Variants in NCDN observed in about 807,000 individuals in gnomAD.
The protein encoded by NCDN is norbin.
In NCDN, 9 loss-of-function variants were observed where a neutral mutation model predicts 60.7. The observed-to-expected ratio is 0.15, with a 90% CI of 0.09 to 0.26. NCDN has a LOEUF of 0.26. Among genes scored for constraint, NCDN ranks in the 10% least tolerant of loss-of-function variants. The pLI is 1.00. For synonymous variants in NCDN, 409 were observed against 442.5 expected (o/e 0.92, Z 0.95); for missense variants, 578 against 975.2 (o/e 0.59, Z 5.42).
rs745835518 is a variant in NCDN, at chr1:35,560,529, C to T, written c.378C>T (p.Val126=). 11 of 1,613,942 alleles carry T rather than the reference C, an allele frequency of 6.8e-6. No individual in the cohort carries two copies. The highest frequency in any genetic ancestry group is 3.3e-4 in the Middle Eastern group (2 of 6,062). ...SDPELAAHPQ[V]LNKIPILSTF... Reference sequence around the variant, plus strand: ...CTGAACTGGCCGCCCATCCCCAAGTCCTGAACAAGATTCCCATTCTTAGCA... The same window carrying T: ...CTGAACTGGCCGCCCATCCCCAAGTTCTGAACAAGATTCCCATTCTTAGCA... The change falls in exon 3 of 7, where the codon GTC becomes GTT. Residue 126 remains valine, a synonymous_variant. Coordinates refer to ENST00000373243, the MANE Select transcript of NCDN (RefSeq NM_014284.3). The surrounding 1 kb of genome is among the most constrained non-coding windows in gnomAD (Gnocchi z 7.6).
At position 35,558,198 on chromosome 1, in the gene NCDN, G is replaced by C. The variant is rs1648443789; in HGVS notation, c.8G>C (p.Cys3Ser). 1.9e-6 allele frequency: 3 copies of C among 1,614,072 alleles called. No individual in the cohort carries two copies. The highest frequency in any genetic ancestry group is 1.1e-5 in the South Asian group (1 of 91,082). Reference sequence around the variant, plus strand: ...CCTGTCGTGACTTCATCAATGTCGTGTTGTGACCTGGCTGCGGCGGGACAG... The same window carrying C: ...CCTGTCGTGACTTCATCAATGTCGTCTTGTGACCTGGCTGCGGCGGGACAG... Reference protein sequence around the residue: MSCCDLAAAGQLG... With the variant: MSSCDLAAAGQLG... The change falls in exon 1 of 7, where the codon TGT becomes TCT. Residue 3 changes from cysteine (C) to serine (S), a missense_variant. By Grantham distance (112) the Cys-to-Ser change is moderately radical (BLOSUM62 -1). Transcript: ENST00000373243. The surrounding 1 kb of genome is among the most constrained non-coding windows in gnomAD (Gnocchi z 6.3).
In NCDN at chr1:35,562,594, C is replaced by G; in HGVS notation, c.1346C>G (p.Pro449Arg). Reference protein sequence around the residue: ...SQQVANLAISPTTPGPTWPGD... With the variant: ...SQQVANLAISRTTPGPTWPGD... The stretch of plus-strand genomic sequence containing the variant: ...CAGGTGGCCAACCTGGCCATCTCCC[C>G]CACCACCCCAGGGCCCACCTGGCCA... The change falls in exon 4 of 7, where the codon CCC becomes CGC. Residue 449 changes from proline to arginine, a missense_variant. This residue lies in a region of NCDN where 24 missense variants were observed against 19.5 expected (regional missense o/e 1.23). Transcript: ENST00000373243. This position sits in a 1 kb window ranked among gnomAD's most constrained non-coding sequence, Gnocchi z 6.8. 1 of 1,614,024 alleles carries G rather than the reference C, an allele frequency of 6.2e-7. No individual in the cohort carries two copies. Among genetic ancestry groups the G allele is most frequent in the African/African-American group, 1.3e-5 (1 of 75,052 alleles).
rs762010739 is a variant in NCDN, at chr1:35,563,279, C to T, written c.1463C>T (p.Ser488Leu). The change falls in exon 5 of 7, where the codon TCG (serine) becomes TTG (leucine). Residue 488 changes from serine to leucine, a missense_variant. Coordinates refer to ENST00000373243, the MANE Select transcript of NCDN (RefSeq NM_014284.3). The surrounding 1 kb of genome is among the most constrained non-coding windows in gnomAD (Gnocchi z 6.6). ...REILIKEGAP[S>L]LLCKYFLQQW... Reference sequence around the variant, plus strand: ...ATCCTGATCAAGGAAGGGGCCCCCTCGCTTCTGTGCAAGTATTTCCTGCAG... The same window carrying T: ...ATCCTGATCAAGGAAGGGGCCCCCTTGCTTCTGTGCAAGTATTTCCTGCAG... 4.3e-6 allele frequency: 7 copies of T among 1,614,224 alleles called. No individual in the cohort carries two copies. Among genetic ancestry groups the T allele is most frequent in the Non-Finnish European group, 5.9e-6 (7 of 1,180,044 alleles).
chr1:35,558,005 A>G lies in NCDN; in HGVS notation c.-186A>G. The G allele has an allele frequency of 1.2e-6, 1 of 864,190 alleles. No individual in the cohort carries two copies. Among genetic ancestry groups the G allele is most frequent in the South Asian group, 1.7e-5 (1 of 58,678 alleles). The allele number at this position is 864,190 out of a possible 1,614,324, so 53.5% of individuals were successfully genotyped here. Reference sequence around the variant, plus strand: ...CGACTCCATCGCGCCATATCGCGACACCATCGTGCCCTGTCGAGACTCCAT... The same window carrying G: ...CGACTCCATCGCGCCATATCGCGACGCCATCGTGCCCTGTCGAGACTCCAT... On this transcript the variant is annotated 5_prime_UTR_variant, in exon 1 of 7. Transcript: ENST00000373243. The surrounding 1 kb of genome is among the most constrained non-coding windows in gnomAD (Gnocchi z 6.3).
Position 35,562,324 on chromosome 1 carries a change from G to A in NCDN, c.1144-68G>A. 3 of 1,572,200 alleles carry A rather than the reference G, an allele frequency of 1.9e-6. No homozygotes were observed. The highest frequency in any genetic ancestry group is 2.6e-6 in the Non-Finnish European group (3 of 1,157,274). On this transcript the variant is annotated intron_variant, in intron 3 of 6. Coordinates refer to ENST00000373243, the MANE Select transcript of NCDN (RefSeq NM_014284.3). This position sits in a 1 kb window ranked among gnomAD's most constrained non-coding sequence, Gnocchi z 6.8. ...CTTCTAGTTGTATTATTTCTAGCTG[G>A]CTGGCCTCTGGCAAGGCAGGGAGGG...
rs1428105191 is a variant in NCDN, at chr1:35,563,994, TAGA to T, written c.1753+89_1753+91del. 3 of 1,456,846 alleles carry T rather than the reference TAGA, an allele frequency of 2.1e-6. No individual in the cohort carries two copies. Among genetic ancestry groups the T allele is most frequent in the South Asian group, 2.8e-5 (2 of 72,612 alleles). The allele number at this position is 1,456,846 out of a possible 1,614,324, so 90.2% of individuals were successfully genotyped here. On this transcript the variant is annotated intron_variant, in intron 6 of 6. Transcript: ENST00000373243. This position sits in a 1 kb window ranked among gnomAD's most constrained non-coding sequence, Gnocchi z 6.6. ...TGTTTGGGGCAAAAGTCACCATTTT[TAGA>T]AGATGGTTTTGCAGCATTTTCTAAG...
In NCDN at chr1:35,561,146, A is replaced by C. The variant is rs747241342; in HGVS notation, c.995A>C (p.Asp332Ala). 1.2e-6 allele frequency: 2 copies of C among 1,610,672 alleles called. No homozygotes were observed. Among genetic ancestry groups the C allele is most frequent in the African/African-American group, 2.7e-5 (2 of 74,894 alleles). The change falls in exon 3 of 7, where the codon GAT becomes GCT. Residue 332 changes from aspartate (D) to alanine (A), a missense_variant. Asp to Ala is a moderately radical substitution (Grantham distance 126). This residue lies in a region of NCDN where 363 missense variants were observed against 583.6 expected (regional missense o/e 0.62). Coordinates refer to ENST00000373243, the MANE Select transcript of NCDN (RefSeq NM_014284.3). The surrounding 1 kb of genome is among the most constrained non-coding windows in gnomAD (Gnocchi z 4.9). ...LEETGTEVKE[D>A]VVTACYALME... is the part of the protein sequence containing the mutation. The stretch of plus-strand genomic sequence containing the variant: ...GAGACGGGCACGGAGGTGAAAGAGG[A>C]TGTGGTGACCGCCTGCTATGCCCTC...
Position 35,560,622 on chromosome 1 carries a change from G to C in NCDN, c.471G>C (p.Gln157His). ...ARRSMIDDTY[Q>H]CLTAVAGTPR... Reference sequence around the variant, plus strand: ...GCTCCATGATTGATGACACCTACCAGTGCCTGACGGCTGTAGCAGGCACAC... The same window carrying C: ...GCTCCATGATTGATGACACCTACCACTGCCTGACGGCTGTAGCAGGCACAC... Residue 157 changes from glutamine (Q) to histidine (H), a missense_variant, in exon 3 of 7, where the codon CAG becomes CAC. Coordinates refer to ENST00000373243, the MANE Select transcript of NCDN (RefSeq NM_014284.3). The surrounding 1 kb of genome is among the most constrained non-coding windows in gnomAD (Gnocchi z 7.6). The C allele has an allele frequency of 6.2e-7, 1 of 1,613,630 alleles. No individual in the cohort carries two copies. The highest frequency in any genetic ancestry group is 1.3e-5 in the African/African-American group (1 of 75,076).
chr1:35,560,634 T>A lies in NCDN; in HGVS notation c.483T>A (p.Ala161=). The change falls in exon 3 of 7, where the codon GCT becomes GCA. Residue 161 remains alanine, a synonymous_variant. Transcript: ENST00000373243. The surrounding 1 kb of genome is among the most constrained non-coding windows in gnomAD (Gnocchi z 7.6). ...ATGACACCTACCAGTGCCTGACGGC[T>A]GTAGCAGGCACACCCAGAGGGCCTC... ...MIDDTYQCLT[A]VAGTPRGPRH... 1.2e-6 allele frequency: 2 copies of A among 1,613,592 alleles called. No individual in the cohort carries two copies. Among genetic ancestry groups the A allele is most frequent in the Non-Finnish European group, 1.7e-6 (2 of 1,180,042 alleles).
rs1331488256 is a variant in NCDN at position 35,562,370 on chromosome 1, C to G, written c.1144-22C>G. ...GAGGGTCCCTGGTCCTGCTCCATCT[C>G]AAGGGGGTCCTGTGGCAACAGGTGG... is the stretch of plus-strand genomic sequence containing the variant. On this transcript the variant is annotated intron_variant, in intron 3 of 6. Transcript: ENST00000373243. The surrounding 1 kb of genome is among the most constrained non-coding windows in gnomAD (Gnocchi z 6.8). 1 of 1,611,408 alleles carries G rather than the reference C, an allele frequency of 6.2e-7. No homozygotes were observed. Among genetic ancestry groups the G allele is most frequent in the African/African-American group, 1.3e-5 (1 of 74,890 alleles).
Position 35,558,333 on chromosome 1 carries a change from C to G in NCDN, c.33+110C>G. The G allele has an allele frequency of 3.2e-6, 5 of 1,560,140 alleles. No individual in the cohort carries two copies. The highest frequency in any genetic ancestry group is 2.6e-6 in the Non-Finnish European group (3 of 1,150,294). Reference sequence around the variant, plus strand: ...GTTGTCCTGGGAACTATCCGGGACCCCCTCTTGCTTCTCCAGCCCCTGCCG... The same window carrying G: ...GTTGTCCTGGGAACTATCCGGGACCGCCTCTTGCTTCTCCAGCCCCTGCCG... On this transcript the variant is annotated intron_variant, in intron 1 of 6. Transcript: ENST00000373243. The surrounding 1 kb of genome is among the most constrained non-coding windows in gnomAD (Gnocchi z 6.3).
In NCDN at chr1:35,563,589, G is replaced by A. The variant is rs1003399692; in HGVS notation, c.1610+163G>A. On this transcript the variant is annotated intron_variant, in intron 5 of 6. Transcript: ENST00000373243. The surrounding 1 kb of genome is among the most constrained non-coding windows in gnomAD (Gnocchi z 6.6). ...CATAGCCAGCCCCGCACAAGGATTC[G>A]GCATGCTGGAACCCCCAGGTACTGT... 2.0e-5 allele frequency among the ~76,000 whole-genome samples: 3 copies of A among 152,074 alleles called. No individual in the cohort carries two copies. The highest frequency in any genetic ancestry group is 2.9e-5 in the Non-Finnish European group (2 of 68,018).
In NCDN at chr1:35,562,934, A is replaced by C. The variant is rs2074678; in HGVS notation, c.1386-268A>C. ...ATCTCATTTGGTCCACGTGGTAAAT[A>C]TAACAGAAGTCTCATTCACATATGA... On this transcript the variant is annotated intron_variant, in intron 4 of 6. Coordinates refer to ENST00000373243, the MANE Select transcript of NCDN (RefSeq NM_014284.3). This position sits in a 1 kb window ranked among gnomAD's most constrained non-coding sequence, Gnocchi z 6.8. 0.24 allele frequency among the ~76,000 whole-genome samples: 37,089 copies of C among 152,108 alleles called. 9,325 individuals are homozygous for C. The highest frequency in any genetic ancestry group is 0.77 in the East Asian group (3,988 of 5,146).
rs1370254728 is a variant in NCDN at position 35,558,442 on chromosome 1, G to A, written c.33+219G>A. ...TTCTGCTGCTGCCGCCGCCGCTGCT[G>A]CTGCTGCTGCAGCCTCTACCCGAGG... On this transcript the variant is annotated intron_variant, in intron 1 of 6. Transcript: ENST00000373243. The surrounding 1 kb of genome is among the most constrained non-coding windows in gnomAD (Gnocchi z 6.3). The A allele has an allele frequency of 6.2e-6, 9 of 1,441,774 alleles. 1 individual carries two copies. The highest frequency in any genetic ancestry group is 5.7e-5 in the South Asian group (4 of 69,614). 89.3% of individuals were successfully genotyped at this position (1,441,774 alleles called of 1,614,324 possible). A position where few individuals can be genotyped will look rare whatever the true frequency, so the allele number is the denominator to read the frequency against.
At position 35,566,025 on chromosome 1, in the gene NCDN, A is replaced by T; in HGVS notation, c.*362A>T. On this transcript the variant is annotated 3_prime_UTR_variant, in exon 7 of 7. Transcript: ENST00000373243. This position sits in a 1 kb window ranked among gnomAD's most constrained non-coding sequence, Gnocchi z 5.3. ...GGTAAGACAGGGCTGGCAGGAGCAG[A>T]CTGCCTCAGCCCATGTGCCCTGCCG... 1 of 254,740 alleles carries T rather than the reference A, an allele frequency of 3.9e-6. No individual in the cohort carries two copies. The highest frequency in any genetic ancestry group is 5.0e-5 in the South Asian group (1 of 19,948). The allele number at this position is 254,740 out of a possible 1,614,324, so 15.8% of individuals were successfully genotyped here.
rs987022357 is a variant in NCDN, at chr1:35,565,051, A to G, written c.1754-176A>G. On this transcript the variant is annotated intron_variant, in intron 6 of 6. Transcript: ENST00000373243. The surrounding 1 kb of genome is among the most constrained non-coding windows in gnomAD (Gnocchi z 8.9). ...TTTACAAGTAAAGAAACAGACCCAGAAAAGTTAATTACCCAAGGTCACACA... is the reference window on the plus strand; with the variant it reads ...TTTACAAGTAAAGAAACAGACCCAGGAAAGTTAATTACCCAAGGTCACACA... The G allele has an allele frequency of 5.0e-6, 3 of 604,522 alleles. No individual in the cohort carries two copies. Among genetic ancestry groups the G allele is most frequent in the Non-Finnish European group, 8.5e-6 (3 of 351,796 alleles). The allele number at this position is 604,522 out of a possible 1,614,324, so 37.4% of individuals were successfully genotyped here. A position where few individuals can be genotyped will look rare whatever the true frequency, so the allele number is the denominator to read the frequency against.
At position 35,565,302 on chromosome 1, in the gene NCDN, G is replaced by A. The variant is rs762381306; in HGVS notation, c.1829G>A (p.Arg610Gln). 5.6e-6 allele frequency: 9 copies of A among 1,613,940 alleles called. No individual in the cohort carries two copies. The highest frequency in any genetic ancestry group is 4.0e-5 in the African/African-American group (3 of 74,932). ...ILFLSQSHVARATPGSDQAVL... is the reference protein window; with the variant it reads ...ILFLSQSHVAQATPGSDQAVL... ...TTCCTATCACAGTCCCACGTGGCGC[G>A]GGCCACCCCGGGCTCAGACCAGGCA... Residue 610 changes from arginine (R) to glutamine (Q), a missense_variant, in exon 7 of 7, where the codon CGG becomes CAG. By Grantham distance (43) the Arg-to-Gln change is conservative. Around this residue, in one of 3 missense-constraint regions of NCDN, gnomAD observed 191 missense variants for 372.1 expected, o/e 0.51. Transcript: ENST00000373243. The surrounding 1 kb of genome is among the most constrained non-coding windows in gnomAD (Gnocchi z 8.9).
At position 35,563,030 on chromosome 1, in the gene NCDN, A is replaced by G. The variant is rs573962487; in HGVS notation, c.1386-172A>G. Among the ~76,000 whole-genome samples, 2 of 152,302 alleles carry G rather than the reference A, an allele frequency of 1.3e-5. No homozygotes were observed. The highest frequency in any genetic ancestry group is 4.8e-5 in the African/African-American group (2 of 41,560). On this transcript the variant is annotated intron_variant, in intron 4 of 6. Coordinates refer to ENST00000373243, the MANE Select transcript of NCDN (RefSeq NM_014284.3). This position sits in a 1 kb window ranked among gnomAD's most constrained non-coding sequence, Gnocchi z 6.6. ...CAGTCACACTTTGTGGCAGAGCCCAAGTTTGGTCCTGGGTTGTGCGACTCT... is the reference window on the plus strand; with the variant it reads ...CAGTCACACTTTGTGGCAGAGCCCAGGTTTGGTCCTGGGTTGTGCGACTCT...
chr1:35,565,626 G>T lies in NCDN; in HGVS notation c.2153G>T (p.Arg718Leu), dbSNP rs368983567. ...GGCGAGGAGACGGCCAGCCACTACC[G>T]CATGGCTGCCTTGGAGCAGTGCCTG... Reference protein sequence around the residue: ...QAGEETASHYRMAALEQCLSE... With the variant: ...QAGEETASHYLMAALEQCLSE... Residue 718 changes from arginine (R) to leucine (L), a missense_variant, in exon 7 of 7, where the codon CGC becomes CTC. Arg to Leu is a moderately radical substitution (Grantham distance 102). Coordinates refer to ENST00000373243, the MANE Select transcript of NCDN (RefSeq NM_014284.3). This position sits in a 1 kb window ranked among gnomAD's most constrained non-coding sequence, Gnocchi z 8.9. 1.3e-6 allele frequency: 2 copies of T among 1,561,058 alleles called. No individual in the cohort carries two copies. Among genetic ancestry groups the T allele is most frequent in the Non-Finnish European group, 1.7e-6 (2 of 1,160,612 alleles).
Sources: gnomAD v4.1 joint callset for allele counts (sites outside exome capture counted in the v4.1 genomes callset) on GRCh38, gnomAD v4.1.1 for gene constraint, gnomAD v4.1.1 regional missense constraint, Gnocchi (gnomAD v3.1) non-coding constraint, MANE v1.5 for transcripts, NCBI Gene and HGNC (gene_info 2026-07-23, HGNC 2026-07-21) for gene names.